RBFOX1: variants seen among roughly 807,000 people sequenced by gnomAD.
The protein encoded by RBFOX1 is RNA binding protein fox-1 homolog 1.
Under a neutral mutation model 57.7 loss-of-function variants are expected in RBFOX1, and 8 were observed. The ratio of observed to expected loss-of-function variants is 0.14; its 90% CI spans 0.08 to 0.25. RBFOX1 has a LOEUF of 0.25. Ranked by LOEUF, RBFOX1 falls within the 10% of genes least tolerant of loss-of-function variation. RBFOX1 has a pLI of 1.00. For synonymous variants in RBFOX1, 326 were observed against 222.4 expected, an observed-to-expected ratio of 1.47 and a Z score of -4.15; for missense variants, 611 against 548.5, an observed-to-expected ratio of 1.11 and a Z score of -1.14.
At chr16:5,773,410 C>G (rs1251477713) in intron 3 of RBFOX1, among the ~76,000 whole-genome samples, 1 of 152,166 alleles carries the variant, frequency 6.6e-6, no homozygotes, top group Non-Finnish European at 1.5e-5. Flanking sequence ...TAAATGAGAT[C>G]ATAGTATGCA....
intron 4 of RBFOX1, among the ~76,000 whole-genome samples, chr16:7,173,476 C>A (rs564976646): frequency 2.6e-5 from 4 of 151,556 alleles, no homozygotes; most frequent in African/African-American, 9.7e-5. Flanking sequence ...TGTGTGAACA[C>A]GAGTTCCATT....
intron 5 of RBFOX1, among the ~76,000 whole-genome samples, chr16:7,553,430 G>A (rs955546559): frequency 1.3e-5 from 2 of 152,194 alleles, no homozygotes; most frequent in African/African-American, 4.8e-5. Context: ...CAGGCATGAG[G>A]TGCCACACCC....
At chr16:7,406,581 C>G (rs1178249725) in intron 4 of RBFOX1, among the ~76,000 whole-genome samples, 1 of 152,182 alleles carries the variant, frequency 6.6e-6, no homozygotes, top group Admixed American at 6.5e-5. Flanking sequence ...TTAAAAAATA[C>G]AAACTTTCCG....
intron 3 of RBFOX1, among the ~76,000 whole-genome samples, chr16:6,661,681 A>G (rs2098702474): frequency 6.6e-6 from 1 of 152,230 alleles, no homozygotes; most frequent in Non-Finnish European, 1.5e-5. Context: ...GAAGCTGAAC[A>G]CTTTGATTCG....
intron 4 of RBFOX1, among the ~76,000 whole-genome samples, chr16:7,457,495 A>T (rs567585982): frequency 6.6e-6 from 1 of 152,174 alleles, no homozygotes; most frequent in Non-Finnish European, 1.5e-5. Context: ...GCATTCTTCT[A>T]TCTTCTTTAC....
At chr16:6,671,753 C>T (rs532167744) in intron 3 of RBFOX1, among the ~76,000 whole-genome samples, 3 of 152,160 alleles carry the variant, frequency 2.0e-5, no homozygotes, top group Non-Finnish European at 4.4e-5. Flanking sequence ...ATTAGAATAA[C>T]AGTTTCCAGT....
intron 1 of RBFOX1, among the ~76,000 whole-genome samples, chr16:6,243,095 T>C (rs1475068380): frequency 6.6e-6 from 1 of 152,084 alleles, no homozygotes; most frequent in Non-Finnish European, 1.5e-5. Context: ...AGTCTTATGA[T>C]ATTCTTATTA....
At chr16:7,100,888 C>T (rs1011817456) in intron 4 of RBFOX1, among the ~76,000 whole-genome samples, 1 of 152,082 alleles carries the variant, frequency 6.6e-6, no homozygotes, top group African/African-American at 2.4e-5. Flanking sequence ...AGTTAAACTG[C>T]TAAACATTTT....
chr16:6,544,675 A>T (rs951067787), intron 2 of RBFOX1, among the ~76,000 whole-genome samples: 3 of 152,158 alleles, frequency 2.0e-5, no homozygotes, highest in African/African-American at 7.2e-5. Flanking sequence ...CTGCGTATCC[A>T]CCCCATACTA....
intron 1 of RBFOX1, among the ~76,000 whole-genome samples, chr16:6,220,125 G>T (rs553664707): frequency 6.6e-6 from 1 of 151,644 alleles, no homozygotes; most frequent in African/African-American, 2.4e-5. Context: ...TCATTTATCT[G>T]TATATCATCT....
intron 1 of RBFOX1, among the ~76,000 whole-genome samples, chr16:5,288,363 A>G (rs1418793695): frequency 6.6e-6 from 1 of 151,990 alleles, no homozygotes; most frequent in African/African-American, 2.4e-5. Flanking sequence ...GGGGGCACTC[A>G]CTTGTTAGAG....
chr16:6,864,400 G>A (rs1388632410), intron 3 of RBFOX1, among the ~76,000 whole-genome samples: 1 of 151,984 alleles, frequency 6.6e-6, no homozygotes, highest in African/African-American at 2.4e-5. Flanking sequence ...TACTTTTGCA[G>A]GCACAGAAAT....
At chr16:5,727,124 G>A (rs79645350) in intron 3 of RBFOX1, among the ~76,000 whole-genome samples, 2 of 152,088 alleles carry the variant, frequency 1.3e-5, no homozygotes, top group Non-Finnish European at 2.9e-5. Context: ...AAAATTAGCT[G>A]GGTGTTCTTT....
intron 2 of RBFOX1, among the ~76,000 whole-genome samples, chr16:6,538,205 A>T (rs1296747373): frequency 6.6e-6 from 1 of 152,178 alleles, no homozygotes; most frequent in Non-Finnish European, 1.5e-5. Flanking sequence ...AGAAATGCAA[A>T]TCAGGCCAGG....
chr16:6,965,444 C>T (rs1294246874), intron 3 of RBFOX1, among the ~76,000 whole-genome samples: 3 of 151,752 alleles, frequency 2.0e-5, no homozygotes, highest in African/African-American at 7.3e-5. Flanking sequence ...TCAATTGATT[C>T]TTCTGCCTAA....
intron 1 of RBFOX1, among the ~76,000 whole-genome samples, chr16:6,233,649 C>T (rs987048305): frequency 1.3e-5 from 2 of 152,098 alleles, no homozygotes; most frequent in African/African-American, 4.8e-5. Flanking sequence ...CACTGTGCCA[C>T]CCAGCCTGGA....
chr16:7,369,144 C>G (rs1385243047), intron 4 of RBFOX1, among the ~76,000 whole-genome samples: 1 of 152,064 alleles, frequency 6.6e-6, no homozygotes, highest in African/African-American at 2.4e-5. Flanking sequence ...GTATCCCACT[C>G]CGGTGGGACC....
At chr16:5,983,671 C>G (rs984775714) in intron 4 of RBFOX1, among the ~76,000 whole-genome samples, 10 of 152,250 alleles carry the variant, frequency 6.6e-5, no homozygotes, top group South Asian at 2.1e-4. Context: ...AACTCAACCT[C>G]CATCCTGCTT....
chr16:7,216,521 TTA>T (rs1359727691), intron 4 of RBFOX1, among the ~76,000 whole-genome samples: 4 of 152,080 alleles, frequency 2.6e-5, no homozygotes, highest in Non-Finnish European at 4.4e-5. Flanking sequence ...ACTTCATGGG[TTA>T]TTGTAAAACT....
Sources: gnomAD v4.1 joint callset for allele counts (sites outside exome capture counted in the v4.1 genomes callset) on GRCh38, gnomAD v4.1.1 for gene constraint, MANE v1.5 for transcripts, NCBI Gene and HGNC (gene_info 2026-07-23, HGNC 2026-07-21) for gene names.